Variants in EPHB1 observed in about 807,000 individuals in gnomAD.
The protein encoded by EPHB1 is EPH receptor B1, also known as ephrin type-B receptor 1.
In EPHB1, 30 loss-of-function variants were observed where a neutral mutation model predicts 94.4. That is an observed-to-expected ratio of 0.32 (90% confidence interval 0.24 to 0.43). The LOEUF (loss-of-function observed/expected upper bound fraction) is 0.43. Ranked by LOEUF, EPHB1 falls within the 20% of genes least tolerant of loss-of-function variation. The pLI is 1.00. For synonymous variants in EPHB1, 522 were observed against 489.1 expected, an observed-to-expected ratio of 1.07 and a Z score of -0.89; for missense variants, 1,055 against 1,308.3, an observed-to-expected ratio of 0.81 and a Z score of 2.99.
At chr3:134,983,199 G>C (rs1353679969) in intron 3 of EPHB1, among the ~76,000 whole-genome samples, 1 of 152,170 alleles carries the variant, frequency 6.6e-6, no homozygotes, top group African/African-American at 2.4e-5. Flanking sequence ...CTCCTTCATT[G>C]GCGAGTGTGT....
At chr3:135,056,511 C>T (rs1009188685) in intron 3 of EPHB1, among the ~76,000 whole-genome samples, 11 of 152,218 alleles carry the variant, frequency 7.2e-5, no homozygotes, top group South Asian at 4.1e-4. Flanking sequence ...AACAGATTCC[C>T]TAGAAGGGCC....
At position 135,192,557 on chromosome 3, in the gene EPHB1, G is replaced by A. The variant is rs372193273; in HGVS notation, c.1883-19G>A. On this transcript the variant is annotated intron_variant, in intron 10 of 15. Coordinates refer to ENST00000398015, the MANE Select transcript of EPHB1 (RefSeq NM_004441.5). ...GACTGAGAAGGAAGAGGATATTAAT[G>A]GCATTTTTGCTGTTGCAGGGGAGTT... 5.0e-6 allele frequency: 8 copies of A among 1,611,144 alleles called. No individual in the cohort carries two copies. The highest frequency in any genetic ancestry group is 1.1e-5 in the South Asian group (1 of 90,792).
chr3:134,823,232 T>C (rs1292054528), intron 1 of EPHB1, among the ~76,000 whole-genome samples: 1 of 152,150 alleles, frequency 6.6e-6, no homozygotes, highest in Non-Finnish European at 1.5e-5. Flanking sequence ...ATGGAGAAAG[T>C]CAGTTCAGAG....
At chr3:135,154,397 G>A (rs1199721748) in intron 6 of EPHB1, 121 bp downstream of exon 6, 15 of 1,408,022 alleles carry the variant, frequency 1.1e-5, no homozygotes, top group Non-Finnish European at 1.3e-5. Flanking sequence ...TGGTGACAGA[G>A]GCCAGAAGGT....
intron 9 of EPHB1, among the ~76,000 whole-genome samples, chr3:135,178,179 C>T (rs747983754): frequency 4.8e-5 from 7 of 146,136 alleles, no homozygotes; most frequent in Non-Finnish European, 8.9e-5. Flanking sequence ...TCAGGCCAGG[C>T]GTGGTGACTC....
intron 2 of EPHB1, among the ~76,000 whole-genome samples, chr3:134,940,096 G>T (rs2039083434): frequency 6.6e-6 from 1 of 151,232 alleles, no homozygotes; most frequent in Admixed American, 6.6e-5. Flanking sequence ...ACTGCTGGTT[G>T]TTTCTCTGTG....
chr3:135,235,290 A>G (rs1034990498), intron 12 of EPHB1, among the ~76,000 whole-genome samples: 3 of 152,324 alleles, frequency 2.0e-5, no homozygotes, highest in African/African-American at 7.2e-5. Flanking sequence ...TCCTAAAGCA[A>G]TCCATGACTT....
chr3:135,104,566 G>T (rs561950148), intron 3 of EPHB1, among the ~76,000 whole-genome samples: 1 of 152,264 alleles, frequency 6.6e-6, no homozygotes, highest in African/African-American at 2.4e-5. Flanking sequence ...TGTCTTCCCC[G>T]ATCCCAGGGG....
rs144040638 is a variant in EPHB1, at chr3:135,156,956, A to G, written c.1422+2680A>G. Among the ~76,000 whole-genome samples the G allele has an allele frequency of 4.6e-3, 694 of 152,342 alleles. 1 individual carries two copies. The highest frequency in any genetic ancestry group is 0.031 in the Middle Eastern group (9 of 294). On this transcript the variant is annotated intron_variant, in intron 6 of 15. Transcript: ENST00000398015. The stretch of plus-strand genomic sequence containing the variant: ...ACATATAAGCTTGTAGCTCTATTGA[A>G]ATAACACCTCATCTCAGAAAAACAA...
intron 3 of EPHB1, among the ~76,000 whole-genome samples, chr3:135,092,515 AACTGAT>A (rs1938592156): frequency 6.6e-6 from 1 of 152,094 alleles, no homozygotes. Context: ...GCCCTCTGAG[AACTGAT>A]ACTGTTTCCC....
At chr3:135,030,342 T>C (rs1238375094) in intron 3 of EPHB1, among the ~76,000 whole-genome samples, 5 of 152,210 alleles carry the variant, frequency 3.3e-5, no homozygotes, top group South Asian at 2.1e-4. Context: ...GTTTTTTCCC[T>C]ATCTTTGTGG....
At chr3:134,947,318 C>T (rs183638226) in intron 2 of EPHB1, among the ~76,000 whole-genome samples, 38 of 152,260 alleles carry the variant, frequency 2.5e-4, no homozygotes, top group African/African-American at 8.4e-4. Context: ...CCTCTTTCTT[C>T]GACCCCCCCA....
chr3:135,116,248 A>G (rs1939704213), intron 4 of EPHB1, among the ~76,000 whole-genome samples: 1 of 152,212 alleles, frequency 6.6e-6, no homozygotes, highest in Non-Finnish European at 1.5e-5. Flanking sequence ...CATTAAAAGT[A>G]TAAGTGCAAA....
At chr3:134,928,700 G>C (rs680054) in intron 2 of EPHB1, among the ~76,000 whole-genome samples, 89,356 of 152,084 alleles carry the variant, frequency 0.59, 28,490 homozygotes, top group African/African-American at 0.85. Flanking sequence ...GAAGGCGGCC[G>C]CATGTCAGTG....
intron 13 of EPHB1, among the ~76,000 whole-genome samples, chr3:135,245,885 G>C (rs1480633546): frequency 6.6e-6 from 1 of 150,760 alleles, no homozygotes; most frequent in Non-Finnish European, 1.5e-5. Context: ...ACAGAATTGA[G>C]TTACATTCGG....
intron 9 of EPHB1, among the ~76,000 whole-genome samples, chr3:135,170,964 A>T (rs1941787483): frequency 6.6e-6 from 1 of 152,240 alleles, no homozygotes; most frequent in South Asian, 2.1e-4. Flanking sequence ...TGGGAAAAGC[A>T]CAAACAAATG....
chr3:134,838,428 G>A (rs2036716102), intron 1 of EPHB1, among the ~76,000 whole-genome samples: 1 of 149,850 alleles, frequency 6.7e-6, no homozygotes, highest in African/African-American at 2.5e-5. Flanking sequence ...TCCCTTCACA[G>A]CTTCCCTGGG....
chr3:135,025,221 A>ATTTATTTATTTATTTAT (rs779516988), intron 3 of EPHB1, among the ~76,000 whole-genome samples: 12,895 of 96,944 alleles, frequency 0.13, 1,067 homozygotes, highest in East Asian at 0.23. Flanking sequence ...TTATTTATTT[A>ATTTATTTATTTATTTAT]TTATTATACT....
intron 3 of EPHB1, among the ~76,000 whole-genome samples, chr3:134,972,535 A>G (rs1321944803): frequency 1.1e-5 from 1 of 88,252 alleles, no homozygotes; most frequent in African/African-American, 5.7e-5. Context: ...TATTATAAAT[A>G]TATATTATTA....
Sources: gnomAD v4.1 joint callset for allele counts (sites outside exome capture counted in the v4.1 genomes callset) on GRCh38, gnomAD v4.1.1 for gene constraint, MANE v1.5 for transcripts, NCBI Gene and HGNC (gene_info 2026-07-23, HGNC 2026-07-21) for gene names.